The following MARCHF1 variants were observed in gnomAD, a reference collection of about 807,000 sequenced individuals.
The protein encoded by MARCHF1 is E3 ubiquitin-protein ligase MARCHF1.
Under a neutral mutation model 54.2 loss-of-function variants are expected in MARCHF1, and 40 were observed. That is an observed-to-expected ratio of 0.74 (90% CI 0.57 to 0.96). The LOEUF (loss-of-function observed/expected upper bound fraction) is 0.96, where lower values mean the gene tolerates loss of function less well. Ranked by LOEUF, MARCHF1 falls within the 40% of genes least tolerant of loss-of-function variation. The pLI is 0.00. For synonymous variants in MARCHF1, 236 were observed against 236.3 expected (o/e 1.00, Z 0.01); for missense variants, 586 against 656.5 (o/e 0.89, Z 1.17).
At chr4:163,579,450 A>G (rs1169804686) in intron 8 of MARCHF1, among the ~76,000 whole-genome samples, 2 of 152,164 alleles carry the variant, frequency 1.3e-5, no homozygotes, top group Non-Finnish European at 1.5e-5. Flanking sequence ...TTCCCATAGC[A>G]AACACCTAAG....
intron 9 of MARCHF1, among the ~76,000 whole-genome samples, chr4:163,537,518 C>T (rs1738577267): frequency 6.6e-6 from 1 of 152,150 alleles, no homozygotes; most frequent in Non-Finnish European, 1.5e-5. Flanking sequence ...GAAAATCTAA[C>T]TTAGGCAATT....
At position 164,177,806 on chromosome 4, in the gene MARCHF1, G is replaced by GAGAC. The variant is rs148681185; in HGVS notation, c.-322-66145_-322-66144insGTCT. ...TCAATCTCAGTGTGTGTATGAAAGA[G>GAGAC]ACACACACACACACACACACACACA... is the stretch of plus-strand genomic sequence containing the variant. On this transcript the variant is annotated intron_variant, in intron 1 of 9. Coordinates refer to ENST00000514618, the MANE Select transcript of MARCHF1 (RefSeq NM_001394959.1). 1.6e-3 allele frequency among the ~76,000 whole-genome samples: 235 copies of GAGAC among 149,308 alleles called. 2 individuals carry two copies. The highest frequency in any genetic ancestry group is 5.2e-3 in the African/African-American group (212 of 40,796).
intron 1 of MARCHF1, among the ~76,000 whole-genome samples, chr4:164,117,414 G>A (rs969080622): frequency 2.0e-5 from 3 of 151,884 alleles, no homozygotes; most frequent in Admixed American, 1.3e-4. Flanking sequence ...TTTAAAAGGT[G>A]GATTTGGCTT....
chr4:164,199,524 T>A (rs1381516932), intron 1 of MARCHF1, among the ~76,000 whole-genome samples: 1 of 151,850 alleles, frequency 6.6e-6, no homozygotes, highest in Non-Finnish European at 1.5e-5. Context: ...CCGCCTGTAA[T>A]CCCAGCTACT....
rs75871875 is a variant in MARCHF1, at chr4:163,934,219, C to T, written c.-39+54282G>A. Among the ~76,000 whole-genome samples the T allele has an allele frequency of 3.1e-3, 466 of 152,080 alleles. 2 individuals carry two copies. The highest frequency in any genetic ancestry group is 6.7e-3 in the Admixed American group (102 of 15,260). On this transcript the variant is annotated intron_variant, in intron 3 of 9. Transcript: ENST00000514618. ...AAAAAAGCCTTGTGAAAATGATATG[C>T]CCTATGTAACAGCAGAGCAACATAA...
rs1173614623 is a variant in MARCHF1, at chr4:163,594,786, A to ACACACACACC, written c.1011-8858_1011-8857insGGTGTGTGTG. Among the ~76,000 whole-genome samples the ACACACACACC allele has an allele frequency of 9.9e-3, 1,503 of 151,528 alleles. 16 individuals carry two copies. Among genetic ancestry groups the ACACACACACC allele is most frequent in the African/African-American group, 0.033 (1,346 of 41,206 alleles). ...CACACACACACACACACACACACAC[A>ACACACACACC]CCCAAACCCAAACAAGATAAATGCT... On this transcript the variant is annotated intron_variant, in intron 7 of 9. Transcript: ENST00000514618.
intron 1 of MARCHF1, among the ~76,000 whole-genome samples, chr4:164,307,701 C>T (rs1207545704): frequency 6.6e-6 from 1 of 152,150 alleles, no homozygotes; most frequent in Non-Finnish European, 1.5e-5. Flanking sequence ...GGGCCAAATG[C>T]TAAAGATACA....
intron 1 of MARCHF1, among the ~76,000 whole-genome samples, chr4:164,284,641 A>T (rs1251068949): frequency 2.7e-5 from 4 of 150,890 alleles, no homozygotes; most frequent in Non-Finnish European, 5.9e-5. Flanking sequence ...CTTAGTCTTG[A>T]TTTCTAGGTT....
At chr4:163,707,828 G>C (rs1221861759) in intron 4 of MARCHF1, among the ~76,000 whole-genome samples, 1 of 149,478 alleles carries the variant, frequency 6.7e-6, no homozygotes, top group Non-Finnish European at 1.5e-5. Flanking sequence ...CAATAAAGAT[G>C]GGACAGTTGT....
intron 4 of MARCHF1, among the ~76,000 whole-genome samples, chr4:163,825,093 C>T (rs1021097455): frequency 6.6e-5 from 10 of 151,846 alleles, no homozygotes; most frequent in African/African-American, 2.4e-4. Flanking sequence ...TTTTTTGATC[C>T]TCTCTCTCTT....
chr4:164,214,656 G>A (rs895008442), intron 1 of MARCHF1, among the ~76,000 whole-genome samples: 3 of 152,180 alleles, frequency 2.0e-5, no homozygotes, highest in Admixed American at 2.0e-4. Context: ...TCACAAATTG[G>A]TGGATTTTTA....
intron 4 of MARCHF1, among the ~76,000 whole-genome samples, chr4:163,827,380 T>C (rs1413165988): frequency 6.6e-6 from 1 of 152,146 alleles, no homozygotes; most frequent in Non-Finnish European, 1.5e-5. Context: ...CGTAGGAGAT[T>C]ATTCTAACCA....
intron 2 of MARCHF1, among the ~76,000 whole-genome samples, chr4:164,046,815 T>G (rs1383061211): frequency 1.3e-5 from 2 of 152,110 alleles, no homozygotes; most frequent in Non-Finnish European, 2.9e-5. Flanking sequence ...CAGTAAGGTA[T>G]TGGATGAGAA....
intron 4 of MARCHF1, among the ~76,000 whole-genome samples, chr4:163,760,433 T>C (rs1366199208): frequency 6.6e-6 from 1 of 152,212 alleles, no homozygotes; most frequent in East Asian, 1.9e-4. Context: ...TGAGGGCCAT[T>C]ATTCTGTCTT....
Position 164,106,672 on chromosome 4 carries a change from C to T in MARCHF1, c.-248+4916G>A, listed in dbSNP as rs551356389. Among the ~76,000 whole-genome samples the T allele has an allele frequency of 2.3e-3, 332 of 147,326 alleles. 4 individuals are homozygous for T. Among genetic ancestry groups the T allele is most frequent in the African/African-American group, 7.7e-3 (300 of 39,176 alleles). On this transcript the variant is annotated intron_variant, in intron 2 of 9. Transcript: ENST00000514618. ...GGGAGATATACCTAATGCTAGATGA[C>T]GAGTTAGTGGGTGCAGCGCACCAGC...
intron 4 of MARCHF1, among the ~76,000 whole-genome samples, chr4:163,787,518 G>A (rs1308819548): frequency 6.6e-6 from 1 of 151,202 alleles, no homozygotes; most frequent in African/African-American, 2.4e-5. Context: ...CAAAACCACG[G>A]TGACATATTA....
At chr4:164,247,610 T>A (rs970954025) in intron 1 of MARCHF1, among the ~76,000 whole-genome samples, 45 of 130,276 alleles carry the variant, frequency 3.5e-4, no homozygotes, top group African/African-American at 5.1e-4. Flanking sequence ...AGTATAATAA[T>A]AAAAAAAAAA....
chr4:163,951,732 T>C (rs1474188385), intron 3 of MARCHF1, among the ~76,000 whole-genome samples: 1 of 152,194 alleles, frequency 6.6e-6, no homozygotes, highest in Admixed American at 6.5e-5. Context: ...CAGTTGACTT[T>C]AAAGATCTAG....
intron 8 of MARCHF1, among the ~76,000 whole-genome samples, chr4:163,561,973 T>C (rs1447710158): frequency 6.6e-6 from 1 of 152,160 alleles, no homozygotes; most frequent in East Asian, 1.9e-4. Context: ...TTTTCTTGAC[T>C]CTTCAACCCT....
Sources: allele counts gnomAD v4.1 joint callset (sites outside exome capture counted in the v4.1 genomes callset), GRCh38; gene constraint gnomAD v4.1.1; transcripts MANE v1.5; gene names NCBI Gene and HGNC (gene_info 2026-07-23, HGNC 2026-07-21).